Variants in GSDME observed in about 807,000 individuals in gnomAD.
GSDME encodes gasdermin-E.
GSDME carries 44 observed loss-of-function variants against 47.5 expected under a neutral mutation model. The observed-to-expected ratio is 0.93, with a 90% CI of 0.73 to 1.19. The LOEUF is 1.19. Among genes scored for constraint, GSDME ranks in the 50% most tolerant of loss-of-function variants. GSDME has a pLI of 0.00. For missense variants in GSDME, 663 were observed against 604.2 expected (o/e 1.10, Z -1.02); for synonymous variants, 258 against 252.8 (o/e 1.02, Z -0.20).
chr7:24,794,280 C>CCT, the GSDME span, among the ~76,000 whole-genome samples: 1 of 134,572 alleles, frequency 7.4e-6, no homozygotes, highest in African/African-American at 3.2e-5. Context: ...CTCTCTCTTT[C>CCT]CTCTCTCTCT....
upstream of GSDME, chr7:24,757,713 G>T (rs867229952): frequency 6.6e-6 from 1 of 152,314 alleles, no homozygotes. The surrounding 1 kb of genome is among the most constrained non-coding windows in gnomAD (Gnocchi z 5.9). Context: ...TCACCCGGGA[G>T]ATGTCGGGGC....
chr7:24,719,200 G>A lies in GSDME; in HGVS notation c.423C>T (p.Asn141=). The A allele has an allele frequency of 1.2e-6, 2 of 1,612,302 alleles. No individual in the cohort carries two copies. The highest frequency in any genetic ancestry group is 1.7e-6 in the Non-Finnish European group (2 of 1,179,994). ...DSAERTINLR[N]PVLQQVLEGR... ...CTTCCAGCACCTGCTGGAGCACAGG[G>A]TTTCTCAGATTTATTGTTCTGAAAA... Residue 141 remains asparagine, a synonymous_variant, in exon 4 of 10, where the codon AAC becomes AAT. Coordinates refer to ENST00000645220, the MANE Select transcript of GSDME (RefSeq NM_001127453.2).
chr7:24,701,483 TTAGA>T (rs1241365225), intron 9 of GSDME, among the ~76,000 whole-genome samples: 2 of 138,154 alleles, frequency 1.4e-5, no homozygotes, highest in Non-Finnish European at 3.3e-5. Context: ...TAGATAACAG[TTAGA>T]TAACATGGGC....
intron 9 of GSDME, among the ~76,000 whole-genome samples, chr7:24,701,950 A>C (rs1365868118): frequency 6.6e-6 from 1 of 152,250 alleles, no homozygotes; most frequent in African/African-American, 2.4e-5. Flanking sequence ...CTGTCTAGGC[A>C]GTCTGCCCCA....
chr7:24,710,108 C>T, intron 6 of GSDME, 116 bp downstream of exon 6: 2 of 1,178,452 alleles, frequency 1.7e-6, no homozygotes, highest in South Asian at 2.5e-5. Flanking sequence ...CCTCTCTTCT[C>T]ATATGTTTTC....
chr7:24,766,652 C>G, the GSDME span, among the ~76,000 whole-genome samples: 1 of 152,182 alleles, frequency 6.6e-6, no homozygotes, highest in African/African-American at 2.4e-5. The surrounding 1 kb of genome is among the most constrained non-coding windows in gnomAD (Gnocchi z 4.2). Flanking sequence ...TTTATGGCTA[C>G]ATAGTATTCC....
At chr7:24,773,768 T>C in the GSDME span, among the ~76,000 whole-genome samples, 1 of 152,240 alleles carries the variant, frequency 6.6e-6, no homozygotes, top group South Asian at 2.1e-4. This position sits in a 1 kb window ranked among gnomAD's most constrained non-coding sequence, Gnocchi z 5.4. Flanking sequence ...TAGAATCTGG[T>C]GCTTTCCTTC....
At chr7:24,767,585 G>T in the GSDME span, among the ~76,000 whole-genome samples, 319 of 150,942 alleles carry the variant, frequency 2.1e-3, 1 homozygote, top group African/African-American at 7.5e-3. This position sits in a 1 kb window ranked among gnomAD's most constrained non-coding sequence, Gnocchi z 5.3. Flanking sequence ...CATGGCTTTG[G>T]CTGGATTTTC....
intron 7 of GSDME, chr7:24,707,185 T>C: frequency 2.6e-6 from 1 of 388,704 alleles, no homozygotes; most frequent in South Asian, 2.1e-5. Context: ...AGAAAAATAA[T>C]ATGAACACTT....
chr7:24,788,450 C>A, the GSDME span, among the ~76,000 whole-genome samples: 6 of 152,320 alleles, frequency 3.9e-5, no homozygotes, highest in African/African-American at 1.4e-4. This position sits in a 1 kb window ranked among gnomAD's most constrained non-coding sequence, Gnocchi z 4.6. Context: ...TGTTGCTAAT[C>A]TCTCGGTGAC....
upstream of GSDME, among the ~76,000 whole-genome samples, chr7:24,759,625 A>G (rs1285709379): frequency 6.6e-6 from 1 of 152,272 alleles, no homozygotes; most frequent in Non-Finnish European, 1.5e-5. Context: ...GGGAAGAGAC[A>G]GAGCCAAGAT....
At chr7:24,706,717 G>C (rs921377482) in intron 7 of GSDME, among the ~76,000 whole-genome samples, 11 of 152,230 alleles carry the variant, frequency 7.2e-5, no homozygotes, top group African/African-American at 2.7e-4. Context: ...GTCTTGTCTT[G>C]GTTCTCATGC....
chr7:24,730,682 G>C (rs1790114985), intron 3 of GSDME, among the ~76,000 whole-genome samples: 1 of 152,180 alleles, frequency 6.6e-6, no homozygotes, highest in Non-Finnish European at 1.5e-5. Flanking sequence ...GGGCGTGGTG[G>C]CACGCACCTG....
chr7:24,767,434 A>C, the GSDME span, among the ~76,000 whole-genome samples: 10 of 152,196 alleles, frequency 6.6e-5, no homozygotes, highest in Non-Finnish European at 1.0e-4. This position sits in a 1 kb window ranked among gnomAD's most constrained non-coding sequence, Gnocchi z 5.3. Flanking sequence ...TATCAATAGA[A>C]GTTTCTGTAT....
rs1001827786 is a variant in GSDME at position 24,754,046 on chromosome 7, T to C, written c.-20+3350A>G. ...GTCATGTCTCAGCCAAAAGTCAGAC[T>C]CTGGATTAACATTTTCACAATGCTC... On this transcript the variant is annotated intron_variant, in intron 1 of 9. Coordinates refer to ENST00000645220, the MANE Select transcript of GSDME (RefSeq NM_001127453.2). The surrounding 1 kb of genome is among the most constrained non-coding windows in gnomAD (Gnocchi z 5.0). Among the ~76,000 whole-genome samples the C allele has an allele frequency of 2.6e-5, 4 of 152,192 alleles. No homozygotes were observed. Among genetic ancestry groups the C allele is most frequent in the African/African-American group, 9.7e-5 (4 of 41,430 alleles).
chr7:24,730,679 G>A (rs1000561128), intron 3 of GSDME, among the ~76,000 whole-genome samples: 1 of 152,166 alleles, frequency 6.6e-6, no homozygotes, highest in African/African-American at 2.4e-5. Context: ...GCTGGGCGTG[G>A]TGGCACGCAC....
In GSDME at chr7:24,719,097, C is replaced by T; in HGVS notation, c.526G>A (p.Val176Ile). ...ACGATGCCACCACACTTCTCCTCGACCTGCATGTGCTCAGAGATCACACAC... is the reference window on the plus strand; with the variant it reads ...ACGATGCCACCACACTTCTCCTCGATCTGCATGTGCTCAGAGATCACACAC... ...QKCVISEHMQ[V>I]EEKCGGIVGI... The change falls in exon 4 of 10, where the codon GTC (valine) becomes ATC (isoleucine). Residue 176 changes from valine (V) to isoleucine (I), a missense_variant. Transcript: ENST00000645220. The T allele has an allele frequency of 6.2e-7, 1 of 1,613,708 alleles. No homozygotes were observed.
At chr7:24,787,360 C>T in the GSDME span, among the ~76,000 whole-genome samples, 1 of 152,094 alleles carries the variant, frequency 6.6e-6, no homozygotes, top group Admixed American at 6.6e-5. This position sits in a 1 kb window ranked among gnomAD's most constrained non-coding sequence, Gnocchi z 5.0. Flanking sequence ...AACCACATGC[C>T]ATTTTTGAGG....
the GSDME span, among the ~76,000 whole-genome samples, chr7:24,774,919 T>G: frequency 2.0e-5 from 3 of 152,108 alleles, no homozygotes; most frequent in Non-Finnish European, 4.4e-5. Context: ...ACAAGGCATG[T>G]GTGTATGGGG....
Sources: allele counts gnomAD v4.1 joint callset (sites outside exome capture counted in the v4.1 genomes callset), GRCh38; gene constraint gnomAD v4.1.1; non-coding constraint Gnocchi (gnomAD v3.1); transcripts MANE v1.5; gene names NCBI Gene and HGNC (gene_info 2026-07-23, HGNC 2026-07-21).